PFDN4: variants seen among roughly 807,000 people sequenced by gnomAD.
PFDN4 encodes the protein prefoldin subunit 4.
PFDN4 carries 6 observed loss-of-function variants against 17.6 expected under a neutral mutation model. The observed-to-expected ratio is 0.34, with a 90% CI of 0.19 to 0.67. The LOEUF is 0.67. Among genes scored for constraint, PFDN4 ranks in the 30% least tolerant of loss-of-function variants. PFDN4 has a pLI of 0.68. For missense variants in PFDN4, 119 were observed against 158.4 expected (o/e 0.75, Z 1.33); for synonymous variants, 48 against 51.1 (o/e 0.94, Z 0.26).
Position 54,219,592 on chromosome 20 carries a change from A to G in PFDN4, c.*442A>G. On this transcript the variant is annotated 3_prime_UTR_variant, in exon 4 of 4. Transcript: ENST00000371419. ...TTTCACAACTAAAGCTTTGTCATAG[A>G]CTTCAAAATATATATGTATATATTT... 2.5e-6 allele frequency: 1 copy of G among 393,592 alleles called. No individual in the cohort carries two copies. The highest frequency in any genetic ancestry group is 4.5e-6 in the Non-Finnish European group (1 of 223,732). The allele number at this position is 393,592 out of a possible 1,614,324, so 24.4% of individuals were successfully genotyped here. A position where few individuals can be genotyped will look rare whatever the true frequency, so the allele number is the denominator to read the frequency against.
At chr20:54,211,410 T>C (rs1398538117) in intron 1 of PFDN4, among the ~76,000 whole-genome samples, 1 of 152,250 alleles carries the variant, frequency 6.6e-6, no homozygotes, top group Admixed American at 6.5e-5. Context: ...GATCTGGATC[T>C]GTTCTTTGTA....
At chr20:54,210,692 C>T (rs1432511621) in intron 1 of PFDN4, among the ~76,000 whole-genome samples, 2 of 152,152 alleles carry the variant, frequency 1.3e-5, no homozygotes, top group African/African-American at 2.4e-5. Flanking sequence ...CTAAAGAAGC[C>T]TCCTTCACTC....
rs59181125 is a variant in PFDN4 at position 54,213,945 on chromosome 20, G to GA, written c.25-396dup. Among the ~76,000 whole-genome samples the GA allele has an allele frequency of 5.9e-3, 868 of 147,154 alleles. 4 individuals are homozygous for GA. The highest frequency in any genetic ancestry group is 7.9e-3 in the Non-Finnish European group (523 of 66,606). On this transcript the variant is annotated intron_variant, in intron 1 of 3. Transcript: ENST00000371419. ...AAGCTCATGCAAGTTTTAGCTCTAA[G>GA]AAAAAAAAAACACTACTCTGAGACA...
chr20:54,211,065 T>C (rs2092755152), intron 1 of PFDN4, among the ~76,000 whole-genome samples: 4 of 152,250 alleles, frequency 2.6e-5, no homozygotes, highest in South Asian at 4.2e-4. Flanking sequence ...AGCCTGGCGA[T>C]AGAGCAAGAC....
At chr20:54,208,431 C>T (rs1041420799) in intron 1 of PFDN4, 9 of 379,846 alleles carry the variant, frequency 2.4e-5, no homozygotes, top group East Asian at 4.5e-5. Context: ...CAGCCCCGGC[C>T]TCGCCCCTGA....
chr20:54,210,198 G>T (rs2092753903), intron 1 of PFDN4, among the ~76,000 whole-genome samples: 3 of 152,216 alleles, frequency 2.0e-5, no homozygotes, highest in Admixed American at 1.3e-4. Context: ...GAGAGTTTGA[G>T]CCATGATGGG....
chr20:54,215,461 G>T, intron 3 of PFDN4, 21 bp downstream of exon 3: 1 of 1,507,550 alleles, frequency 6.6e-7, no homozygotes. Context: ...GGTTAATTCT[G>T]AAATTAGAAT....
chr20:54,214,266 T>C, intron 1 of PFDN4, 85 bp from the exon 2 acceptor site: 1 of 710,528 alleles, frequency 1.4e-6, no homozygotes, highest in Non-Finnish European at 2.5e-6. Context: ...TGCAAATGGC[T>C]TATTGAGTTA....
At chr20:54,217,711 C>A (rs1469744424) in intron 3 of PFDN4, among the ~76,000 whole-genome samples, 1 of 152,040 alleles carries the variant, frequency 6.6e-6, no homozygotes, top group South Asian at 2.1e-4. Context: ...ATTGGACTTG[C>A]GATATTAAAA....
intron 1 of PFDN4, among the ~76,000 whole-genome samples, chr20:54,213,608 A>G (rs764502618): frequency 8.5e-5 from 13 of 152,212 alleles, no homozygotes; most frequent in Non-Finnish European, 1.8e-4. Flanking sequence ...GATCCTCCCT[A>G]ATAAGATGGA....
chr20:54,216,040 G>A (rs1358255098), intron 3 of PFDN4, among the ~76,000 whole-genome samples: 1 of 152,072 alleles, frequency 6.6e-6, no homozygotes, highest in Non-Finnish European at 1.5e-5. Context: ...TGGGGTCACG[G>A]GTCTTATTGT....
At chr20:54,214,320 A>C (rs757451995) in intron 1 of PFDN4, 31 bp from the exon 2 acceptor site, 23 of 1,238,798 alleles carry the variant, frequency 1.9e-5, no homozygotes, top group Admixed American at 4.1e-5. Context: ...TCTCCGTTAA[A>C]ATTTTACAAA....
chr20:54,217,057 C>CA (rs1204078427), intron 3 of PFDN4, among the ~76,000 whole-genome samples: 1 of 152,020 alleles, frequency 6.6e-6, no homozygotes, highest in African/African-American at 2.4e-5. Flanking sequence ...TTGGGGACAA[C>CA]AAAACCTGCC....
chr20:54,217,154 A>T (rs2092763659), intron 3 of PFDN4, among the ~76,000 whole-genome samples: 2 of 152,254 alleles, frequency 1.3e-5, no homozygotes, highest in South Asian at 4.1e-4. Flanking sequence ...TGATATGAGG[A>T]TAGAGGTGGC....
chr20:54,208,145 T>C, intron 1 of PFDN4, 21 bp downstream of exon 1: 1 of 1,537,230 alleles, frequency 6.5e-7, no homozygotes, highest in Non-Finnish European at 8.8e-7. Flanking sequence ...AGCTCGGGGC[T>C]CTGGATGCTC....
chr20:54,218,682 G>T (rs2092765885), intron 3 of PFDN4, among the ~76,000 whole-genome samples: 1 of 152,198 alleles, frequency 6.6e-6, no homozygotes, highest in Admixed American at 6.5e-5. Flanking sequence ...GTTGGAAAAA[G>T]CTGGGTTAGA....
At chr20:54,211,181 A>C (rs1171352417) in intron 1 of PFDN4, among the ~76,000 whole-genome samples, 1 of 152,242 alleles carries the variant, frequency 6.6e-6, no homozygotes, top group Non-Finnish European at 1.5e-5. Context: ...TAAAAATAAA[A>C]GACTGAAATT....
chr20:54,210,083 G>C (rs74952362), intron 1 of PFDN4, among the ~76,000 whole-genome samples: 7,637 of 152,334 alleles, frequency 0.05, 356 homozygotes, highest in East Asian at 0.21. Flanking sequence ...GTAAGGAAAG[G>C]AAGGGAGAGT....
chr20:54,218,723 G>C (rs370051855), intron 3 of PFDN4, among the ~76,000 whole-genome samples: 1 of 152,190 alleles, frequency 6.6e-6, no homozygotes, highest in Non-Finnish European at 1.5e-5. Context: ...ACTATTTATA[G>C]AAGTCTTTGT....
Sources: allele counts gnomAD v4.1 joint callset (sites outside exome capture counted in the v4.1 genomes callset), GRCh38; gene constraint gnomAD v4.1.1; transcripts MANE v1.5; gene names NCBI Gene and HGNC (gene_info 2026-07-23, HGNC 2026-07-21).